Variants in NTRK2 observed in about 807,000 individuals in gnomAD.
The protein encoded by NTRK2 is neurotrophic receptor tyrosine kinase 2.
A neutral mutation model predicts 94.5 loss-of-function variants in NTRK2; 13 were observed. The observed-to-expected ratio is 0.14, with a 90% CI of 0.09 to 0.22. The LOEUF is 0.22. NTRK2 is among the 10% of genes least tolerant of loss of function. NTRK2 has a pLI of 1.00. For missense variants in NTRK2, 639 were observed against 1,071.2 expected (o/e 0.60, Z 5.63); for synonymous variants, 372 against 407.4 (o/e 0.91, Z 1.05).
In NTRK2 at chr9:84,887,222, T is replaced by C. The variant is rs555565261; in HGVS notation, c.1633+19791T>C. On this transcript the variant is annotated intron_variant, in intron 14 of 18. Transcript: ENST00000277120. ...ATATTTCAGGAAATGTAAGGGGTTC[T>C]CGCAAAGGCCCAAACTGGTGTTTTA... 1.1e-4 allele frequency among the ~76,000 whole-genome samples: 16 copies of C among 152,340 alleles called. No homozygotes were observed. In the South Asian group the frequency reaches 3.3e-3, roughly 32 times the overall value.
intron 12 of NTRK2, among the ~76,000 whole-genome samples, chr9:84,779,972 G>A (rs893198072): frequency 6.6e-6 from 1 of 152,116 alleles, no homozygotes; most frequent in Non-Finnish European, 1.5e-5. Flanking sequence ...CACACCACTA[G>A]TGGGTCAGGT....
rs554320671 is a variant in NTRK2 at position 84,847,355 on chromosome 9, G to A, written c.1397-13685G>A. Reference sequence around the variant, plus strand: ...TGTGTTAGTTTGGCATTTTATAGTTGCAAATGGTTTGAACAATAGTGGAGA... The same window carrying A: ...TGTGTTAGTTTGGCATTTTATAGTTACAAATGGTTTGAACAATAGTGGAGA... On this transcript the variant is annotated intron_variant, in intron 12 of 18. Transcript: ENST00000277120. 5.3e-5 allele frequency among the ~76,000 whole-genome samples: 8 copies of A among 152,306 alleles called. No homozygotes were observed. The South Asian group carries it at 1.7e-3, about 32-fold the overall frequency.
chr9:84,997,511 A>G (rs1829888593), intron 17 of NTRK2, among the ~76,000 whole-genome samples: 1 of 152,198 alleles, frequency 6.6e-6, no homozygotes, highest in South Asian at 2.1e-4. Context: ...GATCTAGTCA[A>G]ATCCCTGTAC....
intron 12 of NTRK2, chr9:84,812,222 A>G: frequency 9.5e-7 from 1 of 1,056,724 alleles, no homozygotes; most frequent in Non-Finnish European, 1.1e-6. Flanking sequence ...TGATATAAAA[A>G]GGATATCCAT....
At chr9:84,754,537 G>C (rs1336344995) in intron 12 of NTRK2, among the ~76,000 whole-genome samples, 5 of 152,128 alleles carry the variant, frequency 3.3e-5, no homozygotes, top group Non-Finnish European at 7.3e-5. Context: ...AATGCTATTA[G>C]AGCTGAGATT....
chr9:84,884,465 C>G (rs2076353952), intron 14 of NTRK2, among the ~76,000 whole-genome samples: 1 of 152,140 alleles, frequency 6.6e-6, no homozygotes, highest in South Asian at 2.1e-4. Context: ...TTCAACTAGA[C>G]TTTTTTAAAA....
At chr9:85,007,796 T>C (rs932940416) in intron 17 of NTRK2, among the ~76,000 whole-genome samples, 1 of 152,210 alleles carries the variant, frequency 6.6e-6, no homozygotes, top group African/African-American at 2.4e-5. Context: ...TATCCCTACA[T>C]TGGCTAAGCT....
rs1187336 is a variant in NTRK2 at position 84,701,953 on chromosome 9, A to T, written c.213-206A>T. On this transcript the variant is annotated intron_variant, in intron 2 of 18. Transcript: ENST00000277120. ...ACGAGGAGAAATGAAACCCAGTGCA[A>T]GGGTTATTGACCATGAAACCTGGTC... 0.69 allele frequency among the ~76,000 whole-genome samples: 104,950 copies of T among 152,124 alleles called. 36,598 individuals carry two copies. Among genetic ancestry groups the T allele is most frequent in the East Asian group, 0.82 (4,264 of 5,172 alleles).
At chr9:84,694,989 AGCT>A (rs2060278832) in intron 2 of NTRK2, among the ~76,000 whole-genome samples, 1 of 142,726 alleles carries the variant, frequency 7.0e-6, no homozygotes, top group Non-Finnish European at 1.5e-5. Context: ...CATCCTGGGG[AGCT>A]TGCAGTGAGC....
At chr9:84,833,372 G>C (rs2073685353) in intron 12 of NTRK2, among the ~76,000 whole-genome samples, 2 of 152,008 alleles carry the variant, frequency 1.3e-5, no homozygotes, top group South Asian at 4.2e-4. Context: ...GGTGCAGACA[G>C]GTTTGAGAAT....
chr9:84,923,208 G>A (rs982782636), intron 14 of NTRK2, among the ~76,000 whole-genome samples: 5 of 152,156 alleles, frequency 3.3e-5, no homozygotes, highest in Admixed American at 3.3e-4. Context: ...TTAATAGGTT[G>A]AGCACTTGCT....
intron 2 of NTRK2, among the ~76,000 whole-genome samples, chr9:84,681,296 G>A (rs2059373977): frequency 6.6e-6 from 1 of 152,008 alleles, no homozygotes; most frequent in Admixed American, 6.6e-5. Context: ...GTAATGAATG[G>A]CACCATTATC....
At chr9:84,957,635 C>T (rs115595346) in intron 17 of NTRK2, among the ~76,000 whole-genome samples, 193 of 152,248 alleles carry the variant, frequency 1.3e-3, no homozygotes, top group African/African-American at 4.2e-3. Context: ...CTGGTACTCT[C>T]CTGGTGGGAA....
chr9:84,806,594 C>T (rs961445064), intron 12 of NTRK2, among the ~76,000 whole-genome samples: 2 of 152,178 alleles, frequency 1.3e-5, no homozygotes, highest in African/African-American at 4.8e-5. Flanking sequence ...GATTTCAGCT[C>T]TCTCATTCAT....
intron 11 of NTRK2, among the ~76,000 whole-genome samples, chr9:84,750,073 G>A (rs1431430723): frequency 2.0e-5 from 3 of 152,188 alleles, no homozygotes; most frequent in African/African-American, 7.2e-5. Flanking sequence ...GCACTGTGGA[G>A]CAGGTGGAGC....
At chr9:84,820,140 A>AC (rs1369557882) in intron 12 of NTRK2, among the ~76,000 whole-genome samples, 2 of 151,552 alleles carry the variant, frequency 1.3e-5, no homozygotes, top group African/African-American at 4.8e-5. Flanking sequence ...CTTAACTACT[A>AC]ATAGCTTACT....
At chr9:84,814,991 C>T (rs1399871727) in intron 12 of NTRK2, 8 of 1,059,846 alleles carry the variant, frequency 7.5e-6, no homozygotes, top group Non-Finnish European at 9.1e-6. Context: ...AGATTAAGGA[C>T]TCTTTTGGAC....
intron 15 of NTRK2, among the ~76,000 whole-genome samples, chr9:84,942,846 G>A (rs1588002264): frequency 1.3e-5 from 2 of 152,042 alleles, no homozygotes; most frequent in African/African-American, 4.8e-5. Context: ...ACCTGTGACT[G>A]TTGGCTACCA....
chr9:85,013,227 T>A (rs76019141), intron 17 of NTRK2, among the ~76,000 whole-genome samples: 3,576 of 152,216 alleles, frequency 0.023, 64 homozygotes, highest in Non-Finnish European at 0.034. Context: ...GTAGGAGAAT[T>A]CTCATTTTCC....
Sources: allele counts gnomAD v4.1 joint callset (sites outside exome capture counted in the v4.1 genomes callset), GRCh38; gene constraint gnomAD v4.1.1; transcripts MANE v1.5; gene names NCBI Gene and HGNC (gene_info 2026-07-23, HGNC 2026-07-21).